Variants in COX10 observed in about 807,000 individuals in gnomAD.
The protein encoded by COX10 is cytochrome c oxidase assembly factor heme A:farnesyltransferase COX10.
In COX10, 27 loss-of-function variants were observed where a neutral mutation model predicts 37.3. That is an observed-to-expected ratio of 0.72 (90% CI 0.53 to 1.00). The LOEUF (loss-of-function observed/expected upper bound fraction) is 1.00, where lower values mean the gene tolerates loss of function less well. Among genes scored for constraint, COX10 ranks in the 50% least tolerant of loss-of-function variants. The probability of loss-of-function intolerance (pLI) is 0.00; values close to 1 mark genes in which losing one functional copy is unlikely to be tolerated. For missense variants in COX10, 475 were observed against 563.2 expected (o/e 0.84, Z 1.59); for synonymous variants, 222 against 229.1 (o/e 0.97, Z 0.28).
chr17:14,149,408 G>A (rs1348405799), intron 4 of COX10, among the ~76,000 whole-genome samples: 1 of 152,132 alleles, frequency 6.6e-6, no homozygotes, highest in Non-Finnish European at 1.5e-5. Context: ...CCTGTCTACT[G>A]AGCATCTTCT....
At chr17:14,123,542 G>T (rs1370152502) in intron 4 of COX10, among the ~76,000 whole-genome samples, 1 of 152,114 alleles carries the variant, frequency 6.6e-6, no homozygotes, top group Non-Finnish European at 1.5e-5. Flanking sequence ...CATGAAACTA[G>T]TTTGTCTGAT....
At chr17:14,120,935 C>G (rs1916215406) in intron 4 of COX10, among the ~76,000 whole-genome samples, 1 of 152,028 alleles carries the variant, frequency 6.6e-6, no homozygotes, top group Non-Finnish European at 1.5e-5. Flanking sequence ...CTTAGTGTTC[C>G]CATACAGGCA....
At chr17:14,074,578 GT>G (rs1206839849) in intron 2 of COX10, 122 bp downstream of exon 2, 1 of 953,132 alleles carries the variant, frequency 1.0e-6, no homozygotes, top group Non-Finnish European at 1.7e-6. Context: ...CTTTTATTTA[GT>G]GTCCTTAAAT....
intron 3 of COX10, among the ~76,000 whole-genome samples, chr17:14,092,505 G>A (rs958313605): frequency 2.0e-5 from 3 of 152,118 alleles, no homozygotes; most frequent in Admixed American, 2.0e-4. Context: ...AGTGGTTATA[G>A]TTTGTAATCA....
intron 5 of COX10, among the ~76,000 whole-genome samples, chr17:14,175,119 T>C (rs58988168): frequency 0.01 from 909 of 86,828 alleles, 51 homozygotes; most frequent in African/African-American, 0.024. Flanking sequence ...GAATTGGCTA[T>C]AGAGGGGCGT....
intron 3 of COX10, among the ~76,000 whole-genome samples, chr17:14,086,138 T>A (rs1915404487): frequency 6.6e-6 from 1 of 152,186 alleles, no homozygotes; most frequent in South Asian, 2.1e-4. Flanking sequence ...CTTGTTTTCA[T>A]TTATCTTTGT....
rs1905610480 is a variant in COX10 at position 14,174,921 on chromosome 17, A to C, written c.695+14974A>C. ...ATACTACTCAGAAATTAAAAGGAAC[A>C]AACCACTGGTACGTGCAGTGACACG... On this transcript the variant is annotated intron_variant, in intron 5 of 6. Coordinates refer to ENST00000261643, the MANE Select transcript of COX10 (RefSeq NM_001303.4). Among the ~76,000 whole-genome samples, 6 of 149,878 alleles carry C rather than the reference A, an allele frequency of 4.0e-5. No homozygotes were observed. The South Asian group carries it at 1.3e-3, about 32-fold the overall frequency.
intron 3 of COX10, among the ~76,000 whole-genome samples, chr17:14,100,480 G>A (rs935527628): frequency 7.2e-5 from 11 of 152,170 alleles, no homozygotes; most frequent in Non-Finnish European, 1.5e-4. Context: ...GAGGTCATCA[G>A]GAAGGTTCCC....
At chr17:14,143,617 T>A (rs931042949) in intron 4 of COX10, among the ~76,000 whole-genome samples, 1 of 152,096 alleles carries the variant, frequency 6.6e-6, no homozygotes, top group Non-Finnish European at 1.5e-5. Flanking sequence ...ATCACTTCTC[T>A]TGTCATTTGG....
intron 1 of COX10, among the ~76,000 whole-genome samples, chr17:14,069,980 T>G (rs1410518370): frequency 6.6e-6 from 1 of 152,224 alleles, no homozygotes; most frequent in Non-Finnish European, 1.5e-5. Context: ...GTCCTCCTTA[T>G]CAGAGCCTCG....
At chr17:14,081,746 A>C (rs547447963) in intron 3 of COX10, among the ~76,000 whole-genome samples, 61 of 152,330 alleles carry the variant, frequency 4.0e-4, no homozygotes, top group Non-Finnish European at 5.3e-4. Flanking sequence ...TGCCTAGTAC[A>C]TGTCAAAAAC....
At chr17:14,072,042 A>G (rs1019786147) in intron 1 of COX10, among the ~76,000 whole-genome samples, 1 of 152,194 alleles carries the variant, frequency 6.6e-6, no homozygotes, top group South Asian at 2.1e-4. Context: ...TAATGTATCT[A>G]TTATAATCTT....
At chr17:14,095,932 TTTTCTTTTGC>T (rs1915640426) in intron 3 of COX10, among the ~76,000 whole-genome samples, 1 of 152,168 alleles carries the variant, frequency 6.6e-6, no homozygotes, top group Admixed American at 6.5e-5. Flanking sequence ...TTTCAGTCTG[TTTTCTTTTGC>T]TTATGGAACT....
intron 4 of COX10, among the ~76,000 whole-genome samples, chr17:14,143,466 A>C (rs1459424935): frequency 6.6e-6 from 1 of 152,156 alleles, no homozygotes; most frequent in Non-Finnish European, 1.5e-5. Context: ...GAGCAATTTT[A>C]CCTAAGCTGA....
chr17:14,187,573 G>A (rs1410684362), intron 5 of COX10, among the ~76,000 whole-genome samples: 9 of 152,154 alleles, frequency 5.9e-5, no homozygotes, highest in South Asian at 2.1e-4. Flanking sequence ...ATGTTTCTCC[G>A]AATAACTCAT....
At position 14,207,367 on chromosome 17, in the gene COX10, A is replaced by G; in HGVS notation, c.*154A>G. 1.1e-6 allele frequency: 1 copy of G among 884,764 alleles called. No homozygotes were observed. Among genetic ancestry groups the G allele is most frequent in the Non-Finnish European group, 1.6e-6 (1 of 611,326 alleles). The allele number at this position is 884,764 out of a possible 1,614,324, so 54.8% of individuals were successfully genotyped here. A position where few individuals can be genotyped will look rare whatever the true frequency, so the allele number is the denominator to read the frequency against. ...CACTTGACAGTTTTTTTTTTTTTTA[A>G]ATATTACCCAAAATGCTCCCCAAAT... On this transcript the variant is annotated 3_prime_UTR_variant, in exon 7 of 7. Coordinates refer to ENST00000261643, the MANE Select transcript of COX10 (RefSeq NM_001303.4).
rs1167764015 is a variant in COX10, at chr17:14,100,460, T to TA, written c.500-1657dup. Among the ~76,000 whole-genome samples the TA allele has an allele frequency of 3.9e-5, 6 of 152,128 alleles. No homozygotes were observed. The South Asian group carries it at 6.2e-4, about 16-fold the overall frequency. ...GAGCGAGGGAGTAACTGGGGAGACT[T>TA]ACGTTAGATGAGGTCATCAGGAAGG... On this transcript the variant is annotated intron_variant, in intron 3 of 6. Coordinates refer to ENST00000261643, the MANE Select transcript of COX10 (RefSeq NM_001303.4).
intron 4 of COX10, among the ~76,000 whole-genome samples, chr17:14,118,122 T>C (rs1173651021): frequency 6.6e-6 from 1 of 152,074 alleles, no homozygotes; most frequent in Non-Finnish European, 1.5e-5. Flanking sequence ...CAGCTGCTTG[T>C]GTCTGTGCCC....
rs181578403 is a variant in COX10 at position 14,120,255 on chromosome 17, T to C, written c.624+18013T>C. On this transcript the variant is annotated intron_variant, in intron 4 of 6. Coordinates refer to ENST00000261643, the MANE Select transcript of COX10 (RefSeq NM_001303.4). ...CAAGAGGAGACATCAAGTGGATAGA[T>C]GGATATGTAGGTCTAGAGGTCAGAG... Among the ~76,000 whole-genome samples, 4 of 152,220 alleles carry C rather than the reference T, an allele frequency of 2.6e-5. No individual in the cohort carries two copies. The East Asian group carries it at 7.7e-4, about 29-fold the overall frequency.
Sources: allele counts gnomAD v4.1 joint callset (sites outside exome capture counted in the v4.1 genomes callset), GRCh38; gene constraint gnomAD v4.1.1; transcripts MANE v1.5; gene names NCBI Gene and HGNC (gene_info 2026-07-23, HGNC 2026-07-21).